GPHN: variants seen among roughly 807,000 people sequenced by gnomAD.
GPHN encodes the protein gephyrin.
In GPHN, 17 loss-of-function variants were observed where a neutral mutation model predicts 95.5. That is an observed-to-expected ratio of 0.18 (90% CI 0.12 to 0.27). GPHN has a LOEUF of 0.27. GPHN is among the 10% of genes least tolerant of loss of function. GPHN has a pLI of 1.00. For synonymous variants in GPHN, 320 were observed against 322.5 expected (o/e 0.99, Z 0.08); for missense variants, 660 against 978.1 (o/e 0.67, Z 4.34).
intron 3 of GPHN, among the ~76,000 whole-genome samples, chr14:66,791,853 CAT>C (rs1414921473): frequency 4.6e-5 from 7 of 152,146 alleles, no homozygotes; most frequent in African/African-American, 9.7e-5. Flanking sequence ...CTAATAAAGA[CAT>C]AGGAGAGACT....
intron 1 of GPHN, among the ~76,000 whole-genome samples, chr14:66,642,037 C>G (rs924414748): frequency 6.6e-6 from 1 of 152,162 alleles, no homozygotes; most frequent in East Asian, 1.9e-4. Context: ...GGTATTGATG[C>G]AAGAATAGGC....
the GPHN span, among the ~76,000 whole-genome samples, chr14:67,265,466 G>A: frequency 2.0e-5 from 3 of 152,278 alleles, no homozygotes. Flanking sequence ...TGAGGTGGGA[G>A]GGTTGCATGA....
At chr14:66,905,793 G>A (rs2065350618) in intron 5 of GPHN, among the ~76,000 whole-genome samples, 1 of 152,042 alleles carries the variant, frequency 6.6e-6, no homozygotes, top group Non-Finnish European at 1.5e-5. Context: ...TGTACCAAAT[G>A]TTTAGCTCCC....
the GPHN span, chr14:67,388,172 G>A: frequency 8.7e-7 from 1 of 1,148,848 alleles, no homozygotes; most frequent in East Asian, 2.3e-5. Flanking sequence ...TTACTGAGGT[G>A]CAGGAGGGAG....
At chr14:67,646,499 C>T in the GPHN span, 1 of 601,490 alleles carries the variant, frequency 1.7e-6, no homozygotes, top group Admixed American at 3.2e-5. Context: ...CTTCTCCTTC[C>T]CAGATCAAGT....
the GPHN span, among the ~76,000 whole-genome samples, chr14:67,439,557 C>CTT: frequency 9.6e-6 from 1 of 104,280 alleles, no homozygotes. Flanking sequence ...TTCTTTCTTT[C>CTT]TTTCTTTCTT....
chr14:67,484,092 C>T, the GPHN span, among the ~76,000 whole-genome samples: 1 of 152,310 alleles, frequency 6.6e-6, no homozygotes, highest in African/African-American at 2.4e-5. Flanking sequence ...ACTTTTGATC[C>T]CCAGTCCAAA....
chr14:66,543,821 A>G (rs750360157), intron 1 of GPHN, among the ~76,000 whole-genome samples: 9 of 152,126 alleles, frequency 5.9e-5, no homozygotes, highest in Non-Finnish European at 1.2e-4. Flanking sequence ...TCAAACCACC[A>G]TTATCTCTCA....
the GPHN span, chr14:67,321,305 CAT>C: frequency 6.4e-7 from 1 of 1,574,032 alleles, no homozygotes; most frequent in Non-Finnish European, 8.7e-7. Context: ...GAAGGAATGT[CAT>C]ATAGAGTAAT....
intron 8 of GPHN, among the ~76,000 whole-genome samples, chr14:66,950,843 AG>A (rs1838918089): frequency 6.6e-6 from 1 of 152,140 alleles, no homozygotes; most frequent in African/African-American, 2.4e-5. Flanking sequence ...ATCATTTTGA[AG>A]GGTATCCTTC....
intron 1 of GPHN, among the ~76,000 whole-genome samples, chr14:66,616,067 C>T (rs2063008018): frequency 6.6e-6 from 1 of 151,540 alleles, no homozygotes; most frequent in South Asian, 2.1e-4. Flanking sequence ...TGTTCTGTTC[C>T]ATATATGCCT....
intron 4 of GPHN, among the ~76,000 whole-genome samples, chr14:66,861,409 A>G (rs1330774907): frequency 6.6e-6 from 1 of 152,104 alleles, no homozygotes; most frequent in African/African-American, 2.4e-5. Context: ...GGAGACTTCA[A>G]CACCCTACTT....
chr14:66,922,186 G>A (rs1245231657), intron 6 of GPHN, among the ~76,000 whole-genome samples: 2 of 151,394 alleles, frequency 1.3e-5, no homozygotes, highest in East Asian at 1.9e-4. Flanking sequence ...GAAAGCAATT[G>A]CAATAAAAAC....
intron 5 of GPHN, among the ~76,000 whole-genome samples, chr14:66,908,100 T>A (rs1223107888): frequency 1.3e-5 from 2 of 152,072 alleles, no homozygotes; most frequent in African/African-American, 2.4e-5. Flanking sequence ...CTAAAATAAA[T>A]GACATATCAA....
chr14:67,359,599 G>A, the GPHN span: 3 of 1,598,606 alleles, frequency 1.9e-6, no homozygotes, highest in East Asian at 4.5e-5. Context: ...AGGGTCTGAA[G>A]GGACCGCGCT....
At chr14:67,593,690 G>T in the GPHN span, 1 of 1,026,046 alleles carries the variant, frequency 9.7e-7, no homozygotes, top group Non-Finnish European at 1.5e-6. Flanking sequence ...ACATCCCATG[G>T]GCTGGCTACC....
chr14:67,572,257 G>A, the GPHN span: 23 of 1,603,020 alleles, frequency 1.4e-5, no homozygotes, highest in South Asian at 3.4e-5. Flanking sequence ...CTACTCCACC[G>A]ACGGGCTGGG....
chr14:67,668,784 T>G, the GPHN span, among the ~76,000 whole-genome samples: 2 of 152,214 alleles, frequency 1.3e-5, no homozygotes, highest in African/African-American at 2.4e-5. Context: ...TCAATAGGTC[T>G]GGGGTGGGGC....
the GPHN span, among the ~76,000 whole-genome samples, chr14:67,575,067 C>T: frequency 6.6e-6 from 1 of 151,420 alleles, no homozygotes; most frequent in African/African-American, 2.4e-5. Context: ...TTCCCTCCCT[C>T]CCTCCCGGCA....
Sources: gnomAD v4.1 joint callset for allele counts (sites outside exome capture counted in the v4.1 genomes callset) on GRCh38, gnomAD v4.1.1 for gene constraint, MANE v1.5 for transcripts, NCBI Gene and HGNC (gene_info 2026-07-23, HGNC 2026-07-21) for gene names.